Variants in FBXL7 observed in about 807,000 individuals in gnomAD.
FBXL7 encodes F-box and leucine rich repeat protein 7.
Under a neutral mutation model 38.3 loss-of-function variants are expected in FBXL7, and 12 were observed. The ratio of observed to expected loss-of-function variants is 0.31; its 90% CI spans 0.20 to 0.51. FBXL7 has a LOEUF of 0.51. Among genes scored for constraint, FBXL7 ranks in the 20% least tolerant of loss-of-function variants. FBXL7 has a pLI of 0.98. For missense variants in FBXL7, 567 were observed against 676.4 expected, an observed-to-expected ratio of 0.84 and a Z score of 1.79; for synonymous variants, 297 against 300.9, an observed-to-expected ratio of 0.99 and a Z score of 0.13.
intron 2 of FBXL7, among the ~76,000 whole-genome samples, chr5:15,864,626 T>G (rs893331397): frequency 2.0e-5 from 3 of 152,042 alleles, no homozygotes; most frequent in Non-Finnish European, 4.4e-5. Context: ...CAGAGAAGAG[T>G]AACCAAACTT....
At chr5:15,527,443 A>G (rs1287297955) in intron 1 of FBXL7, among the ~76,000 whole-genome samples, 1 of 152,224 alleles carries the variant, frequency 6.6e-6, no homozygotes, top group Non-Finnish European at 1.5e-5. Flanking sequence ...CAATATTATT[A>G]TGCCATGATG....
At chr5:15,897,779 CTTTG>C (rs1741139549) in intron 2 of FBXL7, among the ~76,000 whole-genome samples, 1 of 152,076 alleles carries the variant, frequency 6.6e-6, no homozygotes, top group Non-Finnish European at 1.5e-5. Flanking sequence ...TAGGCAAGAA[CTTTG>C]TTTGGAATTC....
chr5:15,637,101 C>T (rs1261785188), intron 2 of FBXL7, among the ~76,000 whole-genome samples: 1 of 152,084 alleles, frequency 6.6e-6, no homozygotes, highest in Non-Finnish European at 1.5e-5. Context: ...CTGTAAAATT[C>T]AGACATTCTT....
intron 1 of FBXL7, among the ~76,000 whole-genome samples, chr5:15,517,113 G>A (rs373800729): frequency 1.3e-5 from 2 of 151,626 alleles, no homozygotes; most frequent in African/African-American, 2.4e-5. Context: ...TGCAAGCTCC[G>A]CCTCCCGGGT....
intron 2 of FBXL7, among the ~76,000 whole-genome samples, chr5:15,882,953 A>C (rs1740520104): frequency 9.0e-6 from 1 of 110,666 alleles, no homozygotes; most frequent in Admixed American, 1.0e-4. Flanking sequence ...CTGATATATC[A>C]CTTTAATCAT....
At chr5:15,739,431 C>T (rs1183252429) in intron 2 of FBXL7, among the ~76,000 whole-genome samples, 1 of 152,214 alleles carries the variant, frequency 6.6e-6, no homozygotes, top group Non-Finnish European at 1.5e-5. Flanking sequence ...TTTAAGTGTA[C>T]AGTTCAGTGG....
chr5:15,702,072 T>C (rs1039388594), intron 2 of FBXL7, among the ~76,000 whole-genome samples: 1 of 151,962 alleles, frequency 6.6e-6, no homozygotes, highest in African/African-American at 2.4e-5. Flanking sequence ...ACCCCCTCTC[T>C]ACTAAAAATA....
chr5:15,530,831 G>C (rs1309748128), intron 1 of FBXL7, among the ~76,000 whole-genome samples: 1 of 152,158 alleles, frequency 6.6e-6, no homozygotes, highest in Non-Finnish European at 1.5e-5. Flanking sequence ...GGGCCAGCTG[G>C]GGAAGCCCCA....
At chr5:15,749,106 A>G (rs950513110) in intron 2 of FBXL7, among the ~76,000 whole-genome samples, 4 of 151,780 alleles carry the variant, frequency 2.6e-5, no homozygotes, top group Non-Finnish European at 5.9e-5. Context: ...TTAGCCGGGC[A>G]TGGTGGCACA....
intron 2 of FBXL7, among the ~76,000 whole-genome samples, chr5:15,647,633 A>G (rs1345176843): frequency 2.0e-5 from 3 of 152,240 alleles, no homozygotes; most frequent in African/African-American, 7.2e-5. Flanking sequence ...ATTATGTACT[A>G]GTCAACAATT....
chr5:15,896,326 T>C (rs1172981826), intron 2 of FBXL7, among the ~76,000 whole-genome samples: 1 of 152,228 alleles, frequency 6.6e-6, no homozygotes, highest in Non-Finnish European at 1.5e-5. Flanking sequence ...AGAGGTTAGG[T>C]AGAGAGGCAT....
chr5:15,500,241 C>G lies in FBXL7; in HGVS notation c.-436C>G, dbSNP rs1174727807. 6.6e-6 allele frequency: 1 copy of G among 151,920 alleles called. No individual in the cohort carries two copies. The highest frequency in any genetic ancestry group is 1.9e-4 in the East Asian group (1 of 5,142). 9.4% of individuals were successfully genotyped at this position (151,920 alleles called of 1,614,324 possible). Reference sequence around the variant, plus strand: ...CAACAAGTGGCCGCCGCGCCCTCCCCGGGGAAGCCGCGGGCGCGCAGGGGC... The same window carrying G: ...CAACAAGTGGCCGCCGCGCCCTCCCGGGGGAAGCCGCGGGCGCGCAGGGGC... On this transcript the variant is annotated 5_prime_UTR_variant, in exon 1 of 4. Coordinates refer to ENST00000504595, the MANE Select transcript of FBXL7 (RefSeq NM_012304.5).
At chr5:15,682,419 A>G (rs1742871110) in intron 2 of FBXL7, among the ~76,000 whole-genome samples, 2 of 152,194 alleles carry the variant, frequency 1.3e-5, no homozygotes, top group African/African-American at 2.4e-5. Flanking sequence ...TACAACATTC[A>G]TCACTACCAC....
At chr5:15,532,540 A>C (rs1737460662) in intron 1 of FBXL7, among the ~76,000 whole-genome samples, 1 of 152,226 alleles carries the variant, frequency 6.6e-6, no homozygotes, top group South Asian at 2.1e-4. Context: ...AAAACAATTT[A>C]ATTAAGGCTA....
In FBXL7 at chr5:15,772,818, G is replaced by C. The variant is rs139115042; in HGVS notation, c.128-155072G>C. ...TCCATATTGTTTGTTTCTACCTATA[G>C]CTTGACATACAGTCTTTTAGCTCTT... On this transcript the variant is annotated intron_variant, in intron 2 of 3. Transcript: ENST00000504595. Among the ~76,000 whole-genome samples, 417 of 151,936 alleles carry C rather than the reference G, an allele frequency of 2.7e-3. 8 individuals are homozygous for C. The highest frequency in any genetic ancestry group is 0.024 in the Admixed American group (368 of 15,262).
chr5:15,758,685 T>A (rs1326371866), intron 2 of FBXL7, among the ~76,000 whole-genome samples: 1 of 152,220 alleles, frequency 6.6e-6, no homozygotes, highest in Non-Finnish European at 1.5e-5. Flanking sequence ...ATTTCATTTT[T>A]GTTTAACACG....
intron 2 of FBXL7, among the ~76,000 whole-genome samples, chr5:15,646,144 T>A (rs1383717854): frequency 6.6e-6 from 1 of 152,140 alleles, no homozygotes; most frequent in Non-Finnish European, 1.5e-5. Flanking sequence ...CCATGCAAAT[T>A]GAATATATTA....
At chr5:15,786,425 A>T (rs540248786) in intron 2 of FBXL7, among the ~76,000 whole-genome samples, 1 of 152,278 alleles carries the variant, frequency 6.6e-6, no homozygotes, top group Admixed American at 6.5e-5. Flanking sequence ...ATTGTTCATT[A>T]TATTTTTTGA....
At chr5:15,571,143 G>T (rs550696538) in intron 1 of FBXL7, among the ~76,000 whole-genome samples, 1 of 151,052 alleles carries the variant, frequency 6.6e-6, no homozygotes, top group African/African-American at 2.4e-5. Context: ...CAATGTTTGA[G>T]CAGCTAAACA....
Sources: allele counts gnomAD v4.1 joint callset (sites outside exome capture counted in the v4.1 genomes callset), GRCh38; gene constraint gnomAD v4.1.1; transcripts MANE v1.5; gene names NCBI Gene and HGNC (gene_info 2026-07-23, HGNC 2026-07-21).